TMEM106C: variants seen among roughly 807,000 people sequenced by gnomAD.
TMEM106C encodes the protein transmembrane protein 106C.
TMEM106C carries 27 observed loss-of-function variants against 30.8 expected under a neutral mutation model. The ratio of observed to expected loss-of-function variants is 0.88; its 90% CI spans 0.65 to 1.21. The LOEUF is 1.21. Ranked by LOEUF, TMEM106C falls within the 50% of genes most tolerant of loss-of-function variation. The pLI, the probability that TMEM106C is intolerant of heterozygous loss-of-function variation, is 0.00. For missense variants in TMEM106C, 288 were observed against 307.8 expected (o/e 0.94, Z 0.48); for synonymous variants, 123 against 118.8 (o/e 1.04, Z -0.23).
chr12:47,966,060 C>G (rs1938211837), intron 4 of TMEM106C, 29 bp from the exon 5 acceptor site: 8 of 1,613,828 alleles, frequency 5.0e-6, no homozygotes, highest in Non-Finnish European at 6.8e-6. Flanking sequence ...AGGACACTTA[C>G]ACTTGTTTCC....
chr12:47,965,968 C>G lies in TMEM106C; in HGVS notation c.382C>G (p.Gln128Glu). 1 of 1,614,222 alleles carries G rather than the reference C, an allele frequency of 6.2e-7. No individual in the cohort carries two copies. The highest frequency in any genetic ancestry group is 8.5e-7 in the Non-Finnish European group (1 of 1,180,042). ...IKVVKVTFNK[Q>E]DSLVILTIMA... ...AGTGGTGAAAGTCACATTTAATAAG[C>G]AAGACTCCCTTGTAATTCTCACCAT... The change falls in exon 4 of 8, where the codon CAA becomes GAA. Residue 128 changes from glutamine to glutamate, a missense_variant. Physicochemically the swap from Gln to Glu is conservative, Grantham distance 29. Transcript: ENST00000429772.
At position 47,966,450 on chromosome 12, in the gene TMEM106C, G is replaced by C. The variant is rs758466193; in HGVS notation, c.552+221G>C. ...AGCAGAATAATTTGTAAGAGACAAA[G>C]ATTTGCTACAAAATAAGAAGCAGCA... On this transcript the variant is annotated intron_variant, in intron 5 of 7. Coordinates refer to ENST00000429772, the MANE Select transcript of TMEM106C (RefSeq NM_001143842.2). The C allele has an allele frequency of 2.9e-5, 20 of 698,330 alleles. 1 individual carries two copies. In the Middle Eastern group the frequency reaches 7.7e-4, roughly 27 times the overall value. 43.3% of individuals were successfully genotyped at this position (698,330 alleles called of 1,614,324 possible).
At position 47,964,238 on chromosome 12, in the gene TMEM106C, T is replaced by TG. The variant is rs765888503; in HGVS notation, c.6dup (p.Ser3_?2). On this transcript the variant is annotated frameshift_variant and start_lost, in exon 2 of 8. Coordinates refer to ENST00000429772, the MANE Select transcript of TMEM106C (RefSeq NM_001143842.2). LOFTEE classifies it high-confidence loss of function. The stretch of plus-strand genomic sequence containing the variant: ...TGACACCAGTGGCATATCACGGCCA[T>TG]GGGGTCTCAGCATTCCGCTGCTGCT... 9 of 1,612,470 alleles carry TG rather than the reference T, an allele frequency of 5.6e-6. No individual in the cohort carries two copies. The East Asian group carries it at 2.0e-4, about 36-fold the overall frequency.
chr12:47,966,042 T>TG, intron 4 of TMEM106C, 45 bp downstream of exon 4: 2 of 1,614,226 alleles, frequency 1.2e-6, no homozygotes, highest in Non-Finnish European at 1.7e-6. Flanking sequence ...CCTGCCAGGC[T>TG]GGGACCCAGG....
At chr12:47,966,352 TGAG>T (rs980682775) in intron 5 of TMEM106C, 123 bp downstream of exon 5, 138 of 1,171,916 alleles carry the variant, frequency 1.2e-4, no homozygotes, top group Non-Finnish European at 2.5e-5. Flanking sequence ...GAACTGGTGA[TGAG>T]GAAGACCTGT....
rs1017506227 is a variant in TMEM106C at position 47,966,339 on chromosome 12, T to C, written c.552+110T>C. 22 of 1,304,098 alleles carry C rather than the reference T, an allele frequency of 1.7e-5. No homozygotes were observed. In the African/African-American group the frequency reaches 2.5e-4, roughly 15 times the overall value. 80.8% of individuals were successfully genotyped at this position (1,304,098 alleles called of 1,614,324 possible). A position where few individuals can be genotyped will look rare whatever the true frequency, so the allele number is the denominator to read the frequency against. On this transcript the variant is annotated intron_variant, in intron 5 of 7. Coordinates refer to ENST00000429772, the MANE Select transcript of TMEM106C (RefSeq NM_001143842.2). The stretch of plus-strand genomic sequence containing the variant: ...CTTTTTGTCTCCTCATTTCTACTTG[T>C]AGGAACTGGTGATGAGGAAGACCTG...
chr12:47,966,458 A>G, intron 5 of TMEM106C: 1 of 697,198 alleles, frequency 1.4e-6, no homozygotes, highest in Non-Finnish European at 2.4e-6. Flanking sequence ...AAGATTTGCT[A>G]CAAAATAAGA....
At position 47,964,002 on chromosome 12, in the gene TMEM106C, C is replaced by G. The variant is rs1019758299; in HGVS notation, c.-28-207C>G. On this transcript the variant is annotated intron_variant, in intron 1 of 7. Transcript: ENST00000429772. ...AAAGGCAGGCCCCGTTCCCCCTCCC[C>G]ACCCCCGCCGGCTGTGTGTGGCGGG... is the stretch of plus-strand genomic sequence containing the variant. 5.4e-6 allele frequency: 3 copies of G among 558,188 alleles called. No individual in the cohort carries two copies. The African/African-American group carries it at 5.7e-5, about 11-fold the overall frequency. 34.6% of individuals were successfully genotyped at this position (558,188 alleles called of 1,614,324 possible). A position where few individuals can be genotyped will look rare whatever the true frequency, so the allele number is the denominator to read the frequency against.
intron 6 of TMEM106C, 66 bp downstream of exon 6, chr12:47,966,798 T>C (rs1308386578): frequency 6.4e-7 from 1 of 1,562,198 alleles, no homozygotes; most frequent in East Asian, 2.2e-5. Flanking sequence ...TCATACTCCA[T>C]TGATTGGGGC....
intron 6 of TMEM106C, 147 bp from the exon 7 acceptor site, chr12:47,967,061 G>A (rs1938251239): frequency 1.2e-6 from 1 of 801,730 alleles, no homozygotes; most frequent in Non-Finnish European, 2.1e-6. Flanking sequence ...AATGACAGTG[G>A]CAGGGACTGA....
chr12:47,966,794 T>C, intron 6 of TMEM106C, 62 bp downstream of exon 6: 1 of 1,579,782 alleles, frequency 6.3e-7, no homozygotes, highest in Non-Finnish European at 8.7e-7. Flanking sequence ...AAAGTCATAC[T>C]CCATTGATTG....
rs970750273 is a variant in TMEM106C, at chr12:47,968,136, T to C, written c.660T>C (p.Thr220=). The C allele has an allele frequency of 2.2e-5, 36 of 1,611,528 alleles. No homozygotes were observed. Among genetic ancestry groups the C allele is most frequent in the Non-Finnish European group, 3.1e-5 (36 of 1,177,742 alleles). ...LVHNIVIFMR[T]SVKISYIGLM... Reference sequence around the variant, plus strand: ...TTCTTGGTTTTCTTTTCCCTAGAACTTCAGTGAAGATTTCATACATTGGCC... The same window carrying C: ...TTCTTGGTTTTCTTTTCCCTAGAACCTCAGTGAAGATTTCATACATTGGCC... The change falls in exon 8 of 8, where the codon ACT becomes ACC. Residue 220 remains threonine, a synonymous_variant. Transcript: ENST00000429772.
rs1405022859 is a variant in TMEM106C at position 47,963,652 on chromosome 12, A to G, written c.-81A>G. On this transcript the variant is annotated 5_prime_UTR_variant, in exon 1 of 8. Coordinates refer to ENST00000429772, the MANE Select transcript of TMEM106C (RefSeq NM_001143842.2). ...GAGGCTGGTAAGTCCTCAAGCTGGC[A>G]GGTGGTCGGGGGAGCGGCCGGAGAG... 8 of 153,318 alleles carry G rather than the reference A, an allele frequency of 5.2e-5. No individual in the cohort carries two copies. Among genetic ancestry groups the G allele is most frequent in the Non-Finnish European group, 8.7e-5 (6 of 68,818 alleles). The allele number at this position is 153,318 out of a possible 1,614,324, so 9.5% of individuals were successfully genotyped here.
intron 7 of TMEM106C, 102 bp downstream of exon 7, chr12:47,967,363 C>T (rs1938273409): frequency 2.4e-5 from 28 of 1,163,344 alleles, no homozygotes; most frequent in Non-Finnish European, 3.0e-5. Context: ...GCACCTAGCC[C>T]GAGGGGACAC....
In TMEM106C at chr12:47,965,338, C is replaced by T. The variant is rs1256221686; in HGVS notation, c.244C>T (p.Gln82Ter). 1 of 1,613,908 alleles carries T rather than the reference C, an allele frequency of 6.2e-7. No homozygotes were observed. Among genetic ancestry groups the T allele is most frequent in the Non-Finnish European group, 8.5e-7 (1 of 1,179,912 alleles). ...IPHSDQRLRPQRTKQYVLLSI... is the reference protein window; with the variant it reads ...IPHSDQRLRP ...ACACAGTGATCAGAGATTGCGCCCT[C>T]AGCGAACGTGAGTTACCTGCTTCTC... is the stretch of plus-strand genomic sequence containing the variant. The change falls in exon 3 of 8, where the codon CAG becomes TAG. Residue 82 changes from glutamine (Q) to a stop codon, truncating the protein, a stop_gained. Coordinates refer to ENST00000429772, the MANE Select transcript of TMEM106C (RefSeq NM_001143842.2). LOFTEE classifies it high-confidence loss of function.
intron 1 of TMEM106C, 36 bp from the exon 2 acceptor site, chr12:47,964,173 G>A (rs1938141586): frequency 1.3e-6 from 2 of 1,538,700 alleles, no homozygotes; most frequent in Admixed American, 3.8e-5. Flanking sequence ...GTGATTCACT[G>A]GGGCCGCTAA....
At chr12:47,968,096 A>G (rs987600103) in intron 7 of TMEM106C, 37 bp from the exon 8 acceptor site, 17 of 1,568,692 alleles carry the variant, frequency 1.1e-5, no homozygotes, top group African/African-American at 9.5e-5. Context: ...TTCATCCCCC[A>G]AACATAATTA....
In TMEM106C at chr12:47,965,652, C is replaced by T. The variant is rs527737721; in HGVS notation, c.252-186C>T. The stretch of plus-strand genomic sequence containing the variant: ...TTCTTCAGCTTTTCTTCCCAGAGTG[C>T]AAACAGTGTTTAAAGGAGTTTTAAA... On this transcript the variant is annotated intron_variant, in intron 3 of 7. Transcript: ENST00000429772. 1.0e-5 allele frequency: 8 copies of T among 782,004 alleles called. No homozygotes were observed. The African/African-American group carries it at 1.4e-4, about 14-fold the overall frequency. The allele number at this position is 782,004 out of a possible 1,614,324, so 48.4% of individuals were successfully genotyped here.
intron 3 of TMEM106C, chr12:47,965,633 A>T: frequency 1.4e-6 from 1 of 728,404 alleles, no homozygotes; most frequent in Admixed American, 2.4e-5. Context: ...TCCTTTCTTC[A>T]GCTTTTCTTC....
Sources: allele counts gnomAD v4.1 joint callset, GRCh38; gene constraint gnomAD v4.1.1; transcripts MANE v1.5; gene names NCBI Gene and HGNC (gene_info 2026-07-23, HGNC 2026-07-21).